SPAG9: variants seen among roughly 807,000 people sequenced by gnomAD.
SPAG9 encodes the protein C-Jun-amino-terminal kinase-interacting protein 4.
Under a neutral mutation model 166.5 loss-of-function variants are expected in SPAG9, and 35 were observed. That is an observed-to-expected ratio of 0.21 (90% CI 0.16 to 0.28). The LOEUF (loss-of-function observed/expected upper bound fraction) is 0.28. Ranked by LOEUF, SPAG9 falls within the 10% of genes least tolerant of loss-of-function variation. SPAG9 has a pLI of 1.00. For missense variants in SPAG9, 1,235 were observed against 1,603.3 expected (o/e 0.77, Z 3.92); for synonymous variants, 534 against 565.5 (o/e 0.94, Z 0.79).
At chr17:51,096,054 G>GATATATATATATATATATAGTGAT (rs1205885218) in intron 1 of SPAG9, among the ~76,000 whole-genome samples, 32 of 135,504 alleles carry the variant, frequency 2.4e-4, no homozygotes, top group African/African-American at 8.6e-4. Context: ...TATATATAGT[G>GATATATATATATATATATAGTGAT]ATATATATAT....
At chr17:51,032,698 G>A (rs966152217) in intron 5 of SPAG9, among the ~76,000 whole-genome samples, 55 of 152,040 alleles carry the variant, frequency 3.6e-4, no homozygotes, top group African/African-American at 1.3e-3. Context: ...CACTTTGGGA[G>A]GCTAAGGCAG....
chr17:51,063,945 T>A (rs111376621), intron 2 of SPAG9, among the ~76,000 whole-genome samples: 4 of 152,044 alleles, frequency 2.6e-5, no homozygotes, highest in Non-Finnish European at 5.9e-5. Flanking sequence ...AATGGAATTT[T>A]AAAAAAATAA....
chr17:51,083,543 T>TTTTA (rs71149341), intron 1 of SPAG9, among the ~76,000 whole-genome samples: 17,274 of 141,054 alleles, frequency 0.12, 1,173 homozygotes, highest in East Asian at 0.2. Flanking sequence ...AGCCTCTTTA[T>TTTTA]TTTATTTATT....
intron 22 of SPAG9, 72 bp from the exon 23 acceptor site, chr17:50,985,850 C>T (rs952002235): frequency 1.7e-5 from 14 of 817,138 alleles, no homozygotes; most frequent in South Asian, 9.0e-5. Flanking sequence ...ACAATGATCG[C>T]GAAGTTCATT....
At chr17:51,117,767 A>G (rs2049335256) in intron 1 of SPAG9, among the ~76,000 whole-genome samples, 1 of 151,404 alleles carries the variant, frequency 6.6e-6, no homozygotes, top group South Asian at 2.1e-4. Context: ...AACTAAACAC[A>G]GAATTCACTC....
At chr17:50,974,317 C>T (rs1030686279) in intron 28 of SPAG9, among the ~76,000 whole-genome samples, 2 of 152,086 alleles carry the variant, frequency 1.3e-5, no homozygotes, top group African/African-American at 4.8e-5. Context: ...GTGCCTTGCT[C>T]GAGGTTAGTG....
rs1416336664 is a variant in SPAG9 at position 51,021,181 on chromosome 17, T to C, written c.968A>G (p.Gln323Arg). ...ACCAGTAGATACATTTCTAGTTTCC[T>C]GGGCTACCTGTACTTCAATGTGTTT... ...ISKHIEVQVA[Q>R]ETRNVSTGSA... is the part of the protein sequence containing the mutation. Residue 323 changes from glutamine to arginine, a missense_variant, in exon 7 of 30, where the codon CAG becomes CGG. By Grantham distance (43) the Gln-to-Arg change is conservative. Transcript: ENST00000262013. The C allele has an allele frequency of 1.9e-6, 3 of 1,614,052 alleles. No homozygotes were observed. Among genetic ancestry groups the C allele is most frequent in the Non-Finnish European group, 2.5e-6 (3 of 1,179,958 alleles).
At chr17:51,093,024 T>G (rs1452053943) in intron 1 of SPAG9, among the ~76,000 whole-genome samples, 2 of 147,458 alleles carry the variant, frequency 1.4e-5, no homozygotes, top group East Asian at 4.0e-4. Context: ...GGAGTTCAAA[T>G]ATATTCTACT....
intron 1 of SPAG9, among the ~76,000 whole-genome samples, chr17:51,085,989 CAG>C (rs1301415217): frequency 1.0e-5 from 1 of 99,122 alleles, no homozygotes; most frequent in Non-Finnish European, 1.9e-5. Context: ...TTTTTTGAGA[CAG>C]AGAGTCTCAC....
At chr17:51,018,380 G>C (rs541509448) in intron 8 of SPAG9, among the ~76,000 whole-genome samples, 1 of 151,894 alleles carries the variant, frequency 6.6e-6, no homozygotes, top group African/African-American at 2.4e-5. Flanking sequence ...AAAAAGATGA[G>C]ATCTAACTAT....
chr17:51,098,463 C>G (rs1183400042), intron 1 of SPAG9, among the ~76,000 whole-genome samples: 5 of 152,040 alleles, frequency 3.3e-5, no homozygotes, highest in Admixed American at 6.6e-5. Flanking sequence ...ACCAGTCTCA[C>G]AAGCCTGTGG....
chr17:50,973,749 T>C (rs778749032), intron 28 of SPAG9, among the ~76,000 whole-genome samples: 31 of 152,308 alleles, frequency 2.0e-4, no homozygotes, highest in African/African-American at 6.0e-4. Flanking sequence ...ATTTAACCAG[T>C]TGAAAGCCTT....
At chr17:51,034,187 A>G (rs2046492774) in intron 5 of SPAG9, among the ~76,000 whole-genome samples, 2 of 152,256 alleles carry the variant, frequency 1.3e-5, no homozygotes, top group African/African-American at 4.8e-5. Flanking sequence ...AATATGAAAT[A>G]TTACAACACA....
intron 1 of SPAG9, among the ~76,000 whole-genome samples, chr17:51,107,744 TAA>T (rs35218447): frequency 7.9e-4 from 109 of 138,194 alleles, no homozygotes; most frequent in Middle Eastern, 3.8e-3. Flanking sequence ...AAAAAAAGGT[TAA>T]AAAAAAAAAA....
chr17:51,005,859 C>A (rs1405814813), intron 11 of SPAG9, among the ~76,000 whole-genome samples: 1 of 152,200 alleles, frequency 6.6e-6, no homozygotes, highest in East Asian at 1.9e-4. Flanking sequence ...CTCAAAAAAA[C>A]AGAAAACAAA....
At chr17:51,072,098 G>A (rs2047835375) in intron 2 of SPAG9, among the ~76,000 whole-genome samples, 1 of 152,086 alleles carries the variant, frequency 6.6e-6, no homozygotes, top group African/African-American at 2.4e-5. Context: ...TTTAGACTGA[G>A]TCTTGCTTTA....
At chr17:51,093,515 A>C (rs1375979420) in intron 1 of SPAG9, among the ~76,000 whole-genome samples, 1 of 151,912 alleles carries the variant, frequency 6.6e-6, no homozygotes, top group Non-Finnish European at 1.5e-5. Context: ...GTCCTGGCTA[A>C]CATGGTGAAA....
chr17:51,018,093 C>T (rs2045777561), intron 8 of SPAG9, among the ~76,000 whole-genome samples: 1 of 152,046 alleles, frequency 6.6e-6, no homozygotes, highest in South Asian at 2.1e-4. Flanking sequence ...TCTAATCTCC[C>T]AGCACTTTGG....
At chr17:51,082,893 T>C (rs1317094931) in intron 1 of SPAG9, among the ~76,000 whole-genome samples, 1 of 152,172 alleles carries the variant, frequency 6.6e-6, no homozygotes, top group Non-Finnish European at 1.5e-5. Context: ...ATTCAGTCCA[T>C]GTAATTTGAT....
Sources: allele counts gnomAD v4.1 joint callset (sites outside exome capture counted in the v4.1 genomes callset), GRCh38; gene constraint gnomAD v4.1.1; transcripts MANE v1.5; gene names NCBI Gene and HGNC (gene_info 2026-07-23, HGNC 2026-07-21).